Variants in ROBO2 observed in about 807,000 individuals in gnomAD.
ROBO2 encodes roundabout guidance receptor 2.
ROBO2 carries 53 observed loss-of-function variants against 160.8 expected under a neutral mutation model. The observed-to-expected ratio is 0.33, with a 90% confidence interval of 0.26 to 0.41. The LOEUF is 0.41. Ranked by LOEUF, ROBO2 falls within the 10% of genes least tolerant of loss-of-function variation. ROBO2 has a pLI of 1.00. For synonymous variants in ROBO2, 664 were observed against 611.7 expected (o/e 1.09, Z -1.26); for missense variants, 1,577 against 1,722.4 (o/e 0.92, Z 1.49).
At chr3:76,218,985 A>G (rs769029682) in intron 2 of ROBO2, among the ~76,000 whole-genome samples, 24 of 152,214 alleles carry the variant, frequency 1.6e-4, no homozygotes, top group Non-Finnish European at 2.8e-4. Context: ...ATGGAACAGA[A>G]CAGAGCCCTC....
intron 2 of ROBO2, among the ~76,000 whole-genome samples, chr3:76,230,879 G>C (rs902713292): frequency 6.6e-6 from 1 of 152,130 alleles, no homozygotes; most frequent in Non-Finnish European, 1.5e-5. Flanking sequence ...TTTTAACAAA[G>C]GAATTAGGAC....
chr3:76,276,175 A>G (rs1330191020), intron 2 of ROBO2, among the ~76,000 whole-genome samples: 1 of 152,028 alleles, frequency 6.6e-6, no homozygotes, highest in Non-Finnish European at 1.5e-5. Flanking sequence ...AATCACTCAT[A>G]ATTTAGGTGA....
intron 17 of ROBO2, among the ~76,000 whole-genome samples, chr3:77,592,748 C>T (rs2094209714): frequency 6.6e-6 from 1 of 152,004 alleles, no homozygotes; most frequent in Non-Finnish European, 1.5e-5. Flanking sequence ...GACGGGGTTT[C>T]ACCGTCTTGG....
At chr3:76,622,460 GTC>G (rs944315912) in intron 2 of ROBO2, among the ~76,000 whole-genome samples, 7 of 152,152 alleles carry the variant, frequency 4.6e-5, no homozygotes, top group African/African-American at 1.7e-4. Context: ...GCAAGACCCT[GTC>G]TCAAAAATGA....
chr3:76,471,210 A>G (rs1376329665), intron 2 of ROBO2, among the ~76,000 whole-genome samples: 1 of 152,140 alleles, frequency 6.6e-6, no homozygotes, highest in East Asian at 1.9e-4. Flanking sequence ...TTTTATATGA[A>G]GAAGTCATGG....
chr3:76,838,142 G>A (rs891725380), intron 2 of ROBO2, among the ~76,000 whole-genome samples: 15 of 152,018 alleles, frequency 9.9e-5, no homozygotes, highest in African/African-American at 2.9e-4. Flanking sequence ...ACAGAAAACC[G>A]AATACCATGT....
intron 2 of ROBO2, among the ~76,000 whole-genome samples, chr3:76,368,203 A>G (rs1044302534): frequency 6.6e-5 from 10 of 151,976 alleles, no homozygotes; most frequent in Non-Finnish European, 1.3e-4. Flanking sequence ...GTACCTGTTT[A>G]CAACATGTAT....
intron 2 of ROBO2, among the ~76,000 whole-genome samples, chr3:76,839,156 A>C (rs955732656): frequency 1.3e-5 from 2 of 152,176 alleles, no homozygotes; most frequent in African/African-American, 4.8e-5. Context: ...TCTAGAATAG[A>C]AAAAGAAAAA....
rs1006855157 is a variant in ROBO2 at position 76,434,612 on chromosome 3, C to A, written c.109+497010C>A. 7.9e-6 allele frequency: 12 copies of A among 1,524,554 alleles called. No individual in the cohort carries two copies. The African/African-American group carries it at 1.5e-4, about 19-fold the overall frequency. 94.4% of individuals were successfully genotyped at this position (1,524,554 alleles called of 1,614,324 possible). A position where few individuals can be genotyped will look rare whatever the true frequency, so the allele number is the denominator to read the frequency against. The stretch of plus-strand genomic sequence containing the variant: ...TAAGGAGTTCCATACCACTGGACTG[C>A]CTGGAGCAAAACGGGGCTGTGGCAA... On this transcript the variant is annotated intron_variant, in intron 2 of 26. Coordinates refer to the ROBO2 transcript ENST00000487694.
At chr3:77,262,774 A>G (rs2058859555) in intron 2 of ROBO2, among the ~76,000 whole-genome samples, 4 of 152,228 alleles carry the variant, frequency 2.6e-5, no homozygotes, top group Admixed American at 2.6e-4. Context: ...TTGGAATATC[A>G]TGAAATAGGC....
intron 2 of ROBO2, among the ~76,000 whole-genome samples, chr3:76,521,045 CTTTT>C (rs58517740): frequency 1.0e-5 from 1 of 100,122 alleles, no homozygotes; most frequent in Non-Finnish European, 1.9e-5. Flanking sequence ...AAAATTGCTT[CTTTT>C]TTTTTTTTTT....
intron 2 of ROBO2, among the ~76,000 whole-genome samples, chr3:77,182,727 TCAA>T (rs2080906131): frequency 6.6e-6 from 1 of 152,036 alleles, no homozygotes; most frequent in Non-Finnish European, 1.5e-5. Context: ...GTTGGTGCTC[TCAA>T]CAATCTCTCC....
intron 2 of ROBO2, among the ~76,000 whole-genome samples, chr3:75,996,557 T>G (rs1472465841): frequency 6.6e-6 from 1 of 152,198 alleles, no homozygotes; most frequent in East Asian, 1.9e-4. Context: ...GACTAAGACA[T>G]CCTCATACAT....
intron 2 of ROBO2, among the ~76,000 whole-genome samples, chr3:77,426,105 G>A (rs542440795): frequency 2.6e-5 from 4 of 152,258 alleles, no homozygotes; most frequent in African/African-American, 9.6e-5. Context: ...AAGCAGGAAT[G>A]TCACGTTAAA....
intron 2 of ROBO2, among the ~76,000 whole-genome samples, chr3:76,663,053 T>G (rs536601524): frequency 3.2e-4 from 49 of 152,310 alleles, no homozygotes; most frequent in African/African-American, 1.2e-3. Flanking sequence ...GTTAGTAGTT[T>G]AGGTATAAAA....
intron 2 of ROBO2, among the ~76,000 whole-genome samples, chr3:76,396,872 C>T (rs2077486032): frequency 6.6e-6 from 1 of 152,120 alleles, no homozygotes; most frequent in East Asian, 1.9e-4. Context: ...TAGGAAGAAT[C>T]AATATTGTGG....
chr3:76,283,649 A>G (rs550792499), intron 2 of ROBO2, among the ~76,000 whole-genome samples: 1 of 152,114 alleles, frequency 6.6e-6, no homozygotes, highest in African/African-American at 2.4e-5. Flanking sequence ...GAGAGGCAGC[A>G]TTATGACAGA....
At chr3:76,501,438 A>C (rs1427345805) in intron 2 of ROBO2, among the ~76,000 whole-genome samples, 1 of 152,206 alleles carries the variant, frequency 6.6e-6, no homozygotes, top group Non-Finnish European at 1.5e-5. Flanking sequence ...AATATAAATA[A>C]GTTTTCAAAT....
intron 2 of ROBO2, among the ~76,000 whole-genome samples, chr3:76,526,551 T>C (rs1394228988): frequency 6.6e-6 from 1 of 152,074 alleles, no homozygotes; most frequent in Non-Finnish European, 1.5e-5. Context: ...TGTCATTGGC[T>C]CTTGTCACTG....
Sources: allele counts gnomAD v4.1 joint callset (sites outside exome capture counted in the v4.1 genomes callset), GRCh38; gene constraint gnomAD v4.1.1; transcripts MANE v1.5; gene names NCBI Gene and HGNC (gene_info 2026-07-23, HGNC 2026-07-21).